GRIK3: variants seen among roughly 807,000 people sequenced by gnomAD.
GRIK3 encodes the protein glutamate receptor ionotropic, kainate 3.
GRIK3 carries 29 observed loss-of-function variants against 102.5 expected under a neutral mutation model. The ratio of observed to expected loss-of-function variants is 0.28; its 90% confidence interval spans 0.21 to 0.39. The LOEUF (loss-of-function observed/expected upper bound fraction) is 0.39. Ranked by LOEUF, GRIK3 falls within the 10% of genes least tolerant of loss-of-function variation. The pLI, the probability that GRIK3 is intolerant of heterozygous loss-of-function variation, is 1.00. For missense variants in GRIK3, 908 were observed against 1,252.4 expected, an observed-to-expected ratio of 0.73 and a Z score of 4.15; for synonymous variants, 511 against 504.9, an observed-to-expected ratio of 1.01 and a Z score of -0.16.
rs1325481181 is a variant in GRIK3 at position 36,800,776 on chromosome 1, T to A, written c.*1075A>T. The A allele has an allele frequency of 6.6e-6, 1 of 152,194 alleles. No individual in the cohort carries two copies. The highest frequency in any genetic ancestry group is 1.5e-5 in the Non-Finnish European group (1 of 68,042). 9.4% of individuals were successfully genotyped at this position (152,194 alleles called of 1,614,324 possible). A position where few individuals can be genotyped will look rare whatever the true frequency, so the allele number is the denominator to read the frequency against. ...GTCTGTGTAGTAGGACACTAACTCC[T>A]TTTTTGAGGAGGGACAACTTGACTT... On this transcript the variant is annotated 3_prime_UTR_variant, in exon 16 of 16. Coordinates refer to ENST00000373091, the MANE Select transcript of GRIK3 (RefSeq NM_000831.4).
At chr1:36,902,600 T>C (rs534604527) in intron 1 of GRIK3, among the ~76,000 whole-genome samples, 24 of 152,308 alleles carry the variant, frequency 1.6e-4, no homozygotes, top group African/African-American at 5.3e-4. Flanking sequence ...GAGACCTCAA[T>C]GTACAATGCA....
At chr1:37,023,434 A>G (rs1642736110) in intron 1 of GRIK3, among the ~76,000 whole-genome samples, 2 of 152,182 alleles carry the variant, frequency 1.3e-5, no homozygotes, top group Admixed American at 6.5e-5. Flanking sequence ...TAGATGTTCA[A>G]TGCAGTGGAT....
intron 1 of GRIK3, among the ~76,000 whole-genome samples, chr1:36,975,288 G>GTTTTGTTTTTTT (rs1642183334): frequency 8.8e-6 from 1 of 113,372 alleles, no homozygotes; most frequent in Non-Finnish European, 1.7e-5. Context: ...TCTAAAGTTG[G>GTTTTGTTTTTTT]TTTTTTTTTT....
intron 1 of GRIK3, among the ~76,000 whole-genome samples, chr1:37,028,177 G>C (rs751577064): frequency 3.9e-5 from 6 of 152,162 alleles, no homozygotes; most frequent in African/African-American, 7.2e-5. Context: ...TCTCTTTCCA[G>C]GTCCCTGGGT....
In GRIK3 at chr1:36,872,361, G is replaced by A. The variant is rs1640852521; in HGVS notation, c.559C>T (p.Arg187Ter). 2 of 1,597,740 alleles carry A rather than the reference G, an allele frequency of 1.3e-6. No individual in the cohort carries two copies. The highest frequency in any genetic ancestry group is 1.7e-6 in the Non-Finnish European group (2 of 1,170,226). ...VVYDDSTGLI[R>*]LQELIMAPSR... ...GGGGCCATGATGAGCTCCTGCAGTC[G>A]GATGAGCCCTGAGGGGCCATGGAGC... The change falls in exon 4 of 16, where the codon CGA (arginine) becomes TGA (stop). Residue 187 changes from arginine (R) to a stop codon, truncating the protein, a stop_gained. Transcript: ENST00000373091. LOFTEE classifies it high-confidence loss of function. The surrounding 1 kb of genome is among the most constrained non-coding windows in gnomAD (Gnocchi z 5.9).
chr1:36,962,692 G>A (rs1642026095), intron 1 of GRIK3, among the ~76,000 whole-genome samples: 1 of 151,538 alleles, frequency 6.6e-6, no homozygotes. Context: ...AAAGTCAGAG[G>A]GAGAAGGAGA....
chr1:36,934,414 G>A (rs1332376434), intron 1 of GRIK3, among the ~76,000 whole-genome samples: 1 of 152,146 alleles, frequency 6.6e-6, no homozygotes, highest in East Asian at 1.9e-4. Context: ...CCCTAGTCAT[G>A]GTGATCTTGT....
At chr1:36,830,281 G>T (rs1640241924) in intron 10 of GRIK3, among the ~76,000 whole-genome samples, 1 of 152,126 alleles carries the variant, frequency 6.6e-6, no homozygotes, top group Non-Finnish European at 1.5e-5. Flanking sequence ...CCAGTACTTG[G>T]ACCCAGTTCA....
chr1:36,873,421 G>A (rs1051933094), intron 3 of GRIK3, among the ~76,000 whole-genome samples: 8 of 152,114 alleles, frequency 5.3e-5, no homozygotes, highest in African/African-American at 1.7e-4. Flanking sequence ...CCTATTTCAA[G>A]GTCCATTTTT....
At chr1:36,807,905 C>T (rs1368178765) in intron 13 of GRIK3, among the ~76,000 whole-genome samples, 1 of 152,224 alleles carries the variant, frequency 6.6e-6, no homozygotes. Context: ...CAGATGCCTG[C>T]AGCTCTCACT....
At chr1:37,007,409 G>A (rs1436181601) in intron 1 of GRIK3, among the ~76,000 whole-genome samples, 1 of 152,198 alleles carries the variant, frequency 6.6e-6, no homozygotes, top group East Asian at 1.9e-4. Flanking sequence ...GAAGAAGAGG[G>A]AAGAGTCCAT....
chr1:36,827,427 CT>C (rs1055258840), intron 10 of GRIK3, among the ~76,000 whole-genome samples: 77 of 151,962 alleles, frequency 5.1e-4, no homozygotes, highest in African/African-American at 1.8e-3. Context: ...GGTTAAAGAC[CT>C]TTCTGGCAAG....
intron 1 of GRIK3, among the ~76,000 whole-genome samples, chr1:36,953,061 G>A (rs1641863759): frequency 6.6e-6 from 1 of 152,224 alleles, no homozygotes; most frequent in Admixed American, 6.5e-5. Context: ...GGAGGAGGAA[G>A]AGACTGTGCT....
chr1:37,010,727 CTTTTTTTT>C (rs60750637), intron 1 of GRIK3, among the ~76,000 whole-genome samples: 4 of 102,526 alleles, frequency 3.9e-5, no homozygotes, highest in Admixed American at 1.1e-4. Context: ...ACCTGTACCA[CTTTTTTTT>C]TTTTTTTTTT....
At chr1:36,833,024 G>T (rs1386103048) in intron 10 of GRIK3, among the ~76,000 whole-genome samples, 1 of 152,172 alleles carries the variant, frequency 6.6e-6, no homozygotes, top group Non-Finnish European at 1.5e-5. Flanking sequence ...CAGCTCCTCT[G>T]CCAGGATATA....
At chr1:37,033,165 G>C (rs1642846669) in intron 1 of GRIK3, among the ~76,000 whole-genome samples, 1 of 152,256 alleles carries the variant, frequency 6.6e-6, no homozygotes, top group Non-Finnish European at 1.5e-5. Context: ...CAAAGTTAAA[G>C]ACCGGAGTAA....
intron 1 of GRIK3, among the ~76,000 whole-genome samples, chr1:36,997,018 G>C (rs1404771565): frequency 1.3e-5 from 2 of 152,194 alleles, no homozygotes; most frequent in Non-Finnish European, 1.5e-5. Context: ...GGCCCCAAAT[G>C]CCAAGAGTGC....
chr1:36,826,572 G>A (rs578183277), intron 10 of GRIK3, among the ~76,000 whole-genome samples: 142 of 152,056 alleles, frequency 9.3e-4, no homozygotes, highest in Non-Finnish European at 1.5e-3. Flanking sequence ...GGAGGCTGAG[G>A]TGGGAGGATC....
At chr1:36,928,628 A>C (rs530612606) in intron 1 of GRIK3, among the ~76,000 whole-genome samples, 69 of 152,346 alleles carry the variant, frequency 4.5e-4, no homozygotes, top group African/African-American at 1.6e-3. Context: ...CTGGCAATAA[A>C]GGGCCAAATG....
Sources: allele counts gnomAD v4.1 joint callset (sites outside exome capture counted in the v4.1 genomes callset), GRCh38; gene constraint gnomAD v4.1.1; non-coding constraint Gnocchi (gnomAD v3.1); transcripts MANE v1.5; gene names NCBI Gene and HGNC (gene_info 2026-07-23, HGNC 2026-07-21).